Variants in SDCCAG8 observed in about 807,000 individuals in gnomAD.
SDCCAG8 encodes the protein SHH signaling and ciliogenesis regulator SDCCAG8, also known as serologically defined colon cancer antigen 8.
In SDCCAG8, 74 loss-of-function variants were observed where a neutral mutation model predicts 101.8. The ratio of observed to expected loss-of-function variants is 0.73; its 90% CI spans 0.60 to 0.88. SDCCAG8 has a LOEUF of 0.88. Ranked by LOEUF, SDCCAG8 falls within the 40% of genes least tolerant of loss-of-function variation. SDCCAG8 has a pLI of 0.00. For missense variants in SDCCAG8, 787 were observed against 822.6 expected (o/e 0.96, Z 0.53); for synonymous variants, 281 against 292.9 (o/e 0.96, Z 0.41).
chr1:243,478,499 G>A (rs1203751690), intron 16 of SDCCAG8, among the ~76,000 whole-genome samples: 2 of 152,172 alleles, frequency 1.3e-5, no homozygotes, highest in Non-Finnish European at 2.9e-5. Flanking sequence ...AGGCAGCCAA[G>A]GCTAATTAGG....
At chr1:243,371,247 C>G (rs2077272306) in intron 12 of SDCCAG8, among the ~76,000 whole-genome samples, 1 of 152,054 alleles carries the variant, frequency 6.6e-6, no homozygotes, top group Non-Finnish European at 1.5e-5. Context: ...GTCATTTCCT[C>G]TTTATTTTCT....
chr1:243,485,624 A>G lies in SDCCAG8; in HGVS notation c.1986-3390A>G, dbSNP rs111445367. On this transcript the variant is annotated intron_variant, in intron 16 of 17. Transcript: ENST00000366541. ...AAATAAATAACTTTCAAAAAATCTC[A>G]GCCAGGCGCGGTGGCTCATGCCTGT... Among the ~76,000 whole-genome samples the G allele has an allele frequency of 4.8e-3, 725 of 152,252 alleles. 8 individuals are homozygous for G. Among genetic ancestry groups the G allele is most frequent in the African/African-American group, 0.016 (654 of 41,542 alleles).
chr1:243,344,617 T>C (rs2075591396), intron 12 of SDCCAG8, among the ~76,000 whole-genome samples: 1 of 152,232 alleles, frequency 6.6e-6, no homozygotes, highest in Admixed American at 6.5e-5. Flanking sequence ...AGAAATGTTC[T>C]AATGCACAGT....
intron 9 of SDCCAG8, among the ~76,000 whole-genome samples, chr1:243,318,219 C>A (rs548783682): frequency 6.6e-6 from 1 of 152,128 alleles, no homozygotes; most frequent in African/African-American, 2.4e-5. Flanking sequence ...TGCATGGAGC[C>A]GGAGACAGTT....
intron 1 of SDCCAG8, among the ~76,000 whole-genome samples, chr1:243,259,766 C>T (rs958708466): frequency 3.3e-5 from 5 of 150,880 alleles, no homozygotes; most frequent in East Asian, 2.0e-4. Flanking sequence ...TTGCGGTGGG[C>T]GGAGGTTGCA....
chr1:243,420,576 C>T (rs1052987917), intron 15 of SDCCAG8, among the ~76,000 whole-genome samples: 10 of 152,160 alleles, frequency 6.6e-5, no homozygotes, highest in African/African-American at 2.4e-4. Flanking sequence ...TTAAAGCAGG[C>T]ACCTACTCTA....
chr1:243,426,612 A>G (rs1257592615), intron 16 of SDCCAG8, 54 bp downstream of exon 16: 2 of 1,609,700 alleles, frequency 1.2e-6, no homozygotes, highest in Non-Finnish European at 1.7e-6. Context: ...TGTTTGGTTT[A>G]CACACTGAAG....
chr1:243,405,741 A>T (rs944051052), intron 13 of SDCCAG8, among the ~76,000 whole-genome samples: 7 of 152,134 alleles, frequency 4.6e-5, no homozygotes, highest in Non-Finnish European at 1.0e-4. Flanking sequence ...ACATATTCTC[A>T]ACATTCTAGA....
chr1:243,397,448 T>G (rs1457759827), intron 13 of SDCCAG8, among the ~76,000 whole-genome samples: 1 of 152,220 alleles, frequency 6.6e-6, no homozygotes, highest in Non-Finnish European at 1.5e-5. Context: ...TAAAATTATG[T>G]CGTCAGCTAG....
At chr1:243,390,713 G>A (rs569730291) in intron 13 of SDCCAG8, among the ~76,000 whole-genome samples, 17 of 152,132 alleles carry the variant, frequency 1.1e-4, no homozygotes, top group Non-Finnish European at 2.1e-4. Context: ...TCCTGAAGAA[G>A]CCCAGAGGAA....
chr1:243,268,682 CT>C (rs1001139250), intron 1 of SDCCAG8, among the ~76,000 whole-genome samples: 3 of 151,688 alleles, frequency 2.0e-5, no homozygotes, highest in South Asian at 2.1e-4. Context: ...ATAACAGAGA[CT>C]TTTTTTTTCT....
At chr1:243,466,400 C>T (rs1433170492) in intron 16 of SDCCAG8, among the ~76,000 whole-genome samples, 2 of 152,178 alleles carry the variant, frequency 1.3e-5, no homozygotes, top group Non-Finnish European at 1.5e-5. Context: ...CTGAGATTCA[C>T]TAGAGAGAAG....
intron 9 of SDCCAG8, among the ~76,000 whole-genome samples, chr1:243,329,823 G>A (rs1230942467): frequency 1.3e-5 from 2 of 152,160 alleles, no homozygotes; most frequent in Non-Finnish European, 1.5e-5. Flanking sequence ...CCAAAATGAA[G>A]TTAGAGATTT....
chr1:243,403,133 G>A (rs1457849381), intron 13 of SDCCAG8, among the ~76,000 whole-genome samples: 1 of 152,184 alleles, frequency 6.6e-6, no homozygotes, highest in Admixed American at 6.5e-5. Flanking sequence ...GTTGCCTCAT[G>A]TGGAGCTTCC....
At chr1:243,423,544 T>G (rs1421204199) in intron 15 of SDCCAG8, among the ~76,000 whole-genome samples, 2 of 152,176 alleles carry the variant, frequency 1.3e-5, no homozygotes, top group Non-Finnish European at 2.9e-5. Flanking sequence ...GCTTCCAATT[T>G]TTAACCGTTT....
chr1:243,442,612 T>TA (rs1282969946), intron 16 of SDCCAG8, among the ~76,000 whole-genome samples: 5 of 146,518 alleles, frequency 3.4e-5, no homozygotes, highest in Non-Finnish European at 7.6e-5. Flanking sequence ...AAAAAGAACA[T>TA]TAAAAAAAAA....
intron 1 of SDCCAG8, among the ~76,000 whole-genome samples, chr1:243,266,674 G>T: frequency 6.6e-6 from 1 of 151,434 alleles, no homozygotes. Context: ...AAAGTGAGTA[G>T]GCCAGGCACG....
chr1:243,350,549 T>C (rs1433250240), intron 12 of SDCCAG8, among the ~76,000 whole-genome samples: 2 of 152,126 alleles, frequency 1.3e-5, no homozygotes, highest in African/African-American at 4.8e-5. Context: ...TAGAGAAATA[T>C]AAAAGCAATA....
chr1:243,310,899 C>T (rs1177283251), intron 8 of SDCCAG8, among the ~76,000 whole-genome samples: 2 of 152,190 alleles, frequency 1.3e-5, no homozygotes, highest in Non-Finnish European at 2.9e-5. Context: ...AATTAAAGAA[C>T]AACCCGTCAG....
Sources: gnomAD v4.1 joint callset for allele counts (sites outside exome capture counted in the v4.1 genomes callset) on GRCh38, gnomAD v4.1.1 for gene constraint, MANE v1.5 for transcripts, NCBI Gene and HGNC (gene_info 2026-07-23, HGNC 2026-07-21) for gene names.